IGF1R: variants seen among roughly 807,000 people sequenced by gnomAD.
The protein encoded by IGF1R is insulin-like growth factor 1 receptor.
Under a neutral mutation model 144.6 loss-of-function variants are expected in IGF1R, and 44 were observed. The ratio of observed to expected loss-of-function variants is 0.30; its 90% confidence interval spans 0.24 to 0.39. The LOEUF is 0.39. Among genes scored for constraint, IGF1R ranks in the 10% least tolerant of loss-of-function variants. The pLI, the probability that IGF1R is intolerant of heterozygous loss-of-function variation, is 1.00. For synonymous variants in IGF1R, 795 were observed against 722.8 expected (o/e 1.10, Z -1.60); for missense variants, 1,355 against 1,833.7 (o/e 0.74, Z 4.77).
intron 1 of IGF1R, among the ~76,000 whole-genome samples, chr15:98,656,840 ATTG>A (rs2052497974): frequency 6.6e-6 from 1 of 152,126 alleles, no homozygotes; most frequent in African/African-American, 2.4e-5. Flanking sequence ...TTTGAAATAC[ATTG>A]TTGTTGCTGT....
chr15:98,830,136 A>T (rs540555764), intron 2 of IGF1R, among the ~76,000 whole-genome samples: 68 of 152,288 alleles, frequency 4.5e-4, no homozygotes, highest in African/African-American at 1.5e-3. Context: ...AGATCAGCTT[A>T]AGCTTCACTG....
At chr15:98,721,172 A>G (rs1250246157) in intron 2 of IGF1R, among the ~76,000 whole-genome samples, 1 of 152,110 alleles carries the variant, frequency 6.6e-6, no homozygotes, top group African/African-American at 2.4e-5. Flanking sequence ...ATCTTCCATG[A>G]AGCCCCCCAA....
chr15:98,917,872 G>C (rs2015318999), intron 10 of IGF1R, among the ~76,000 whole-genome samples: 1 of 152,198 alleles, frequency 6.6e-6, no homozygotes, highest in South Asian at 2.1e-4. Context: ...ATAATCGATA[G>C]GTTTTCTATT....
chr15:98,740,933 G>C (rs552198086), intron 2 of IGF1R, among the ~76,000 whole-genome samples: 1 of 152,318 alleles, frequency 6.6e-6, no homozygotes, highest in African/African-American at 2.4e-5. Flanking sequence ...TGTCAAAAGT[G>C]TAGTATTCCT....
At chr15:98,766,479 A>G (rs2055440105) in intron 2 of IGF1R, among the ~76,000 whole-genome samples, 1 of 152,248 alleles carries the variant, frequency 6.6e-6, no homozygotes, top group Non-Finnish European at 1.5e-5. Flanking sequence ...ATTCATTGAA[A>G]GATAAAAATA....
intron 2 of IGF1R, among the ~76,000 whole-genome samples, chr15:98,827,354 A>G (rs1264613297): frequency 1.3e-5 from 2 of 152,016 alleles, no homozygotes; most frequent in Non-Finnish European, 2.9e-5. Context: ...TACCATGAAG[A>G]CCCCTTAGCT....
rs1367033205 is a variant in IGF1R, at chr15:98,707,393, A to C, written c.95-169A>C. Among the ~76,000 whole-genome samples the C allele has an allele frequency of 6.6e-6, 1 of 152,210 alleles. No homozygotes were observed. The highest frequency in any genetic ancestry group is 1.5e-5 in the Non-Finnish European group (1 of 68,040). ...CTGTATAAATGCCAGCTAACTGGTT[A>C]GCCACCTAAACTGTCAGTCTGCAAC... On this transcript the variant is annotated intron_variant, in intron 1 of 20. Coordinates refer to ENST00000650285, the MANE Select transcript of IGF1R (RefSeq NM_000875.5). The surrounding 1 kb of genome is among the most constrained non-coding windows in gnomAD (Gnocchi z 6.7).
At chr15:98,656,409 C>T (rs969743821) in intron 1 of IGF1R, among the ~76,000 whole-genome samples, 4 of 152,138 alleles carry the variant, frequency 2.6e-5, no homozygotes, top group African/African-American at 7.2e-5. Flanking sequence ...ATTAACCGGG[C>T]GTGGTGGCCC....
chr15:98,761,698 C>T (rs772678331), intron 2 of IGF1R, among the ~76,000 whole-genome samples: 1 of 152,226 alleles, frequency 6.6e-6, no homozygotes, highest in Admixed American at 6.5e-5. Flanking sequence ...TGGTCTTACC[C>T]GTGAGCTTGA....
chr15:98,815,610 A>G (rs561503519), intron 2 of IGF1R, among the ~76,000 whole-genome samples: 1 of 152,292 alleles, frequency 6.6e-6, no homozygotes, highest in South Asian at 2.1e-4. Flanking sequence ...GGGAGGAAAG[A>G]GACTGGGCTT....
chr15:98,726,677 C>T (rs1446077766), intron 2 of IGF1R, among the ~76,000 whole-genome samples: 1 of 150,794 alleles, frequency 6.6e-6, no homozygotes, highest in Non-Finnish European at 1.5e-5. Flanking sequence ...TTTTTAAATT[C>T]CCCTCCTTAG....
intron 14 of IGF1R, 46 bp from the exon 15 acceptor site, chr15:98,930,189 G>C (rs370090116): frequency 1.6e-6 from 2 of 1,257,828 alleles, no homozygotes; most frequent in Non-Finnish European, 2.3e-6. Flanking sequence ...ATACAGGAAT[G>C]TATGGAGGTG....
intron 2 of IGF1R, among the ~76,000 whole-genome samples, chr15:98,789,987 A>G (rs998468603): frequency 1.3e-5 from 2 of 152,234 alleles, no homozygotes; most frequent in African/African-American, 4.8e-5. Flanking sequence ...GGAAATGTAC[A>G]TTAACTGTTC....
At chr15:98,726,511 C>G (rs978782079) in intron 2 of IGF1R, among the ~76,000 whole-genome samples, 2 of 152,066 alleles carry the variant, frequency 1.3e-5, no homozygotes, top group Admixed American at 1.3e-4. Flanking sequence ...ATGGCGCCCT[C>G]CCTCCCTTCC....
At chr15:98,892,293 T>G (rs933972729) in intron 3 of IGF1R, among the ~76,000 whole-genome samples, 6 of 152,136 alleles carry the variant, frequency 3.9e-5, no homozygotes, top group African/African-American at 1.4e-4. Flanking sequence ...GGCTCACACC[T>G]GTAATCCCAA....
chr15:98,757,448 G>A (rs531110397), intron 2 of IGF1R, among the ~76,000 whole-genome samples: 135 of 152,282 alleles, frequency 8.9e-4, no homozygotes, highest in African/African-American at 3.2e-3. Context: ...ACAGGTGTGA[G>A]CCACCACACC....
chr15:98,886,097 C>T (rs186562799), intron 2 of IGF1R, among the ~76,000 whole-genome samples: 96 of 152,150 alleles, frequency 6.3e-4, no homozygotes, highest in African/African-American at 2.0e-3. Flanking sequence ...GGATCACAGG[C>T]GTGAGCCACC....
intron 2 of IGF1R, among the ~76,000 whole-genome samples, chr15:98,751,937 CT>C (rs1223368884): frequency 6.6e-6 from 1 of 152,192 alleles, no homozygotes; most frequent in Non-Finnish European, 1.5e-5. Flanking sequence ...GTATAAACAA[CT>C]TACATAATAC....
At chr15:98,761,138 AC>A (rs2055285365) in intron 2 of IGF1R, among the ~76,000 whole-genome samples, 1 of 152,076 alleles carries the variant, frequency 6.6e-6, no homozygotes, top group South Asian at 2.1e-4. Flanking sequence ...GTCTTGGGCA[AC>A]CCTGGCTCTG....
Sources: allele counts gnomAD v4.1 joint callset (sites outside exome capture counted in the v4.1 genomes callset), GRCh38; gene constraint gnomAD v4.1.1; non-coding constraint Gnocchi (gnomAD v3.1); transcripts MANE v1.5; gene names NCBI Gene and HGNC (gene_info 2026-07-23, HGNC 2026-07-21).